The following ADAMTS20 variants were observed in gnomAD, a reference collection of about 807,000 sequenced individuals.
ADAMTS20 encodes A disintegrin and metalloproteinase with thrombospondin motifs 20.
In ADAMTS20, 225 loss-of-function variants were observed where a neutral mutation model predicts 260.1. The ratio of observed to expected loss-of-function variants is 0.87; its 90% confidence interval spans 0.78 to 0.97. ADAMTS20 has a LOEUF of 0.97. Among genes scored for constraint, ADAMTS20 ranks in the 50% least tolerant of loss-of-function variants. The pLI is 0.00. For synonymous variants in ADAMTS20, 802 were observed against 769.5 expected (o/e 1.04, Z -0.70); for missense variants, 2,400 against 2,337.7 (o/e 1.03, Z -0.55).
intron 28 of ADAMTS20, among the ~76,000 whole-genome samples, chr12:43,410,057 A>C (rs1039898439): frequency 6.6e-6 from 1 of 152,240 alleles, no homozygotes; most frequent in Non-Finnish European, 1.5e-5. Context: ...ATAAGGATTG[A>C]CTAAAGTCAG....
chr12:43,532,236 C>T (rs539937754), intron 2 of ADAMTS20, 41 bp from the exon 3 acceptor site: 6 of 1,550,342 alleles, frequency 3.9e-6, no homozygotes, highest in Admixed American at 3.7e-5. Flanking sequence ...TCCTAACAGT[C>T]GCCAAGAAGA....
intron 3 of ADAMTS20, among the ~76,000 whole-genome samples, chr12:43,503,725 C>T (rs977454699): frequency 6.6e-6 from 1 of 152,046 alleles, no homozygotes; most frequent in Non-Finnish European, 1.5e-5. Flanking sequence ...CTCCCACCAT[C>T]CACCCTCAAG....
intron 4 of ADAMTS20, among the ~76,000 whole-genome samples, chr12:43,500,882 T>C (rs1476377272): frequency 6.6e-6 from 1 of 152,116 alleles, no homozygotes; most frequent in Non-Finnish European, 1.5e-5. Flanking sequence ...ATGATCTTCA[T>C]GTCACAATGA....
rs80035734 is a variant in ADAMTS20, at chr12:43,379,645, G to T, written c.4798-2083C>A. On this transcript the variant is annotated intron_variant, in intron 31 of 38. Transcript: ENST00000389420. The stretch of plus-strand genomic sequence containing the variant: ...CAGATATTAAGGAAATTACTGTCTA[G>T]TCATAGCTGACAACTAAACTAAGTG... Among the ~76,000 whole-genome samples the T allele has an allele frequency of 4.4e-3, 677 of 152,286 alleles. 5 individuals are homozygous for T. The highest frequency in any genetic ancestry group is 0.015 in the African/African-American group (638 of 41,564).
chr12:43,400,712 TA>T (rs1005736510), intron 28 of ADAMTS20, among the ~76,000 whole-genome samples: 66 of 147,518 alleles, frequency 4.5e-4, no homozygotes, highest in South Asian at 1.5e-3. Flanking sequence ...TATTCTATAC[TA>T]AAAAAAAAAA....
chr12:43,420,800 C>CTTTTTTTTTTTTTTTTTTTTTTTTTTTT lies in ADAMTS20; in HGVS notation c.4284+4713_4284+4714insAAAAAAAAAAAAAAAAAAAAAAAAAAAA, dbSNP rs747496684. 9.0e-4 allele frequency among the ~76,000 whole-genome samples: 50 copies of CTTTTTTTTTTTTTTTTTTTTTTTTTTTT among 55,514 alleles called. 10 individuals carry two copies. The highest frequency in any genetic ancestry group is 2.7e-3 in the East Asian group (2 of 734). The allele number at this position is 55,514 out of a possible 152,430, so 36.4% of individuals were successfully genotyped here. The stretch of plus-strand genomic sequence containing the variant: ...TCTTCTTCTTCTCCTCCTCCTCCTT[C>CTTTTTTTTTTTTTTTTTTTTTTTTTTTT]TTTTTTTTTTTTTTTTTTTTTTTTT... On this transcript the variant is annotated intron_variant, in intron 28 of 38. Coordinates refer to ENST00000389420, the MANE Select transcript of ADAMTS20 (RefSeq NM_025003.5).
At chr12:43,453,752 A>T (rs1941912395) in intron 12 of ADAMTS20, among the ~76,000 whole-genome samples, 155 bp downstream of exon 12, 1 of 152,134 alleles carries the variant, frequency 6.6e-6, no homozygotes, top group Non-Finnish European at 1.5e-5. Context: ...TGAATCTACC[A>T]AAATATAAAT....
At chr12:43,362,754 C>T (rs756940247) in intron 37 of ADAMTS20, among the ~76,000 whole-genome samples, 6 of 151,590 alleles carry the variant, frequency 4.0e-5, no homozygotes, top group Non-Finnish European at 8.8e-5. Flanking sequence ...TTTCACCACA[C>T]CAACATGGCA....
intron 7 of ADAMTS20, among the ~76,000 whole-genome samples, chr12:43,483,552 G>A (rs1942473614): frequency 6.6e-6 from 1 of 152,180 alleles, no homozygotes; most frequent in African/African-American, 2.4e-5. Context: ...GTCCAGGCTT[G>A]CACAAGAGGT....
chr12:43,458,786 G>T (rs1283462314), intron 11 of ADAMTS20, among the ~76,000 whole-genome samples: 1 of 152,140 alleles, frequency 6.6e-6, no homozygotes, highest in Non-Finnish European at 1.5e-5. Context: ...TAAGGGCAGA[G>T]ATCTTGTTGA....
intron 36 of ADAMTS20, among the ~76,000 whole-genome samples, chr12:43,373,681 T>C (rs1940155924): frequency 7.4e-6 from 1 of 135,482 alleles, no homozygotes; most frequent in African/African-American, 2.8e-5. Flanking sequence ...TTTTTTTTTT[T>C]TTTTTTTTTT....
intron 16 of ADAMTS20, among the ~76,000 whole-genome samples, chr12:43,442,129 T>A (rs1455205153): frequency 2.0e-5 from 3 of 152,206 alleles, no homozygotes; most frequent in Admixed American, 6.5e-5. Flanking sequence ...CCAAACGTCA[T>A]AAACATAAAT....
intron 3 of ADAMTS20, among the ~76,000 whole-genome samples, chr12:43,507,037 A>G (rs186027699): frequency 3.9e-5 from 6 of 152,278 alleles, no homozygotes; most frequent in Admixed American, 3.3e-4. Flanking sequence ...AATGTACAGC[A>G]TAGTGACTAT....
chr12:43,359,292 G>T (rs1212886862), intron 37 of ADAMTS20, among the ~76,000 whole-genome samples: 1 of 152,190 alleles, frequency 6.6e-6, no homozygotes, highest in Non-Finnish European at 1.5e-5. Context: ...GTAAGTATGG[G>T]TATAAGATAG....
At chr12:43,405,214 G>T (rs1483332570) in intron 28 of ADAMTS20, among the ~76,000 whole-genome samples, 1 of 73,284 alleles carries the variant, frequency 1.4e-5, no homozygotes, top group African/African-American at 5.6e-5. Flanking sequence ...GTAACAAAAT[G>T]AGACCTCATC....
rs369922539 is a variant in ADAMTS20 at position 43,429,748 on chromosome 12, C to T, written c.3382-24G>A. On this transcript the variant is annotated intron_variant, in intron 23 of 38. Transcript: ENST00000389420. The stretch of plus-strand genomic sequence containing the variant: ...CTCTGTTCAGAAGAAAAATGGTTCT[C>T]GTAAAACATTAATTAATGACTGATT... 3.6e-5 allele frequency: 51 copies of T among 1,424,872 alleles called. 1 individual carries two copies. In the Middle Eastern group the frequency reaches 1.4e-3, roughly 40 times the overall value. 88.3% of individuals were successfully genotyped at this position (1,424,872 alleles called of 1,614,324 possible). A position where few individuals can be genotyped will look rare whatever the true frequency, so the allele number is the denominator to read the frequency against.
chr12:43,453,970 C>T lies in ADAMTS20; in HGVS notation c.1697G>A (p.Ser566Asn), dbSNP rs147849669. 2 of 1,613,254 alleles carry T rather than the reference C, an allele frequency of 1.2e-6. No individual in the cohort carries two copies. Among genetic ancestry groups the T allele is most frequent in the African/African-American group, 2.7e-5 (2 of 74,916 alleles). Residue 566 changes from serine (S) to asparagine (N), a missense_variant, in exon 12 of 39, where the codon AGT becomes AAT. Transcript: ENST00000389420. Reference sequence around the variant, plus strand: ...GCCTCCACATGTTCTTGAACAAGAACTGTAAGGTTCCCATGGTCCCCATTC... The same window carrying T: ...GCCTCCACATGTTCTTGAACAAGAATTGTAAGGTTCCCATGGTCCCCATTC... ...NGEWGPWEPY[S>N]SCSRTCGGGI...
chr12:43,353,404 GA>G (rs1259573446), downstream of ADAMTS20, among the ~76,000 whole-genome samples: 1 of 151,568 alleles, frequency 6.6e-6, no homozygotes, highest in African/African-American at 2.4e-5. Context: ...GATTTTTAAA[GA>G]ATATATATAC....
intron 2 of ADAMTS20, among the ~76,000 whole-genome samples, chr12:43,539,669 G>A (rs1251932179): frequency 6.6e-6 from 1 of 152,070 alleles, no homozygotes; most frequent in African/African-American, 2.4e-5. Flanking sequence ...AAGTAAAAAA[G>A]ACATTGTTTT....
Sources: allele counts gnomAD v4.1 joint callset (sites outside exome capture counted in the v4.1 genomes callset), GRCh38; gene constraint gnomAD v4.1.1; transcripts MANE v1.5; gene names NCBI Gene and HGNC (gene_info 2026-07-23, HGNC 2026-07-21).